Variants in PHACTR4 observed in about 807,000 individuals in gnomAD.
PHACTR4 encodes the protein protein phosphatase 1, regulatory subunit 124.
In PHACTR4, 51 loss-of-function variants were observed where a neutral mutation model predicts 72.7. That is an observed-to-expected ratio of 0.70 (90% CI 0.56 to 0.89). The LOEUF (loss-of-function observed/expected upper bound fraction) is 0.89. PHACTR4 is among the 40% of genes least tolerant of loss of function. The pLI, the probability that PHACTR4 is intolerant of heterozygous loss-of-function variation, is 0.00. For missense variants in PHACTR4, 731 were observed against 861.8 expected, an observed-to-expected ratio of 0.85 and a Z score of 1.90; for synonymous variants, 255 against 302.5, an observed-to-expected ratio of 0.84 and a Z score of 1.63.
At chr1:28,496,341 C>G (rs1661360605) in intron 13 of PHACTR4, among the ~76,000 whole-genome samples, 193 bp from the exon 14 acceptor site, 1 of 151,764 alleles carries the variant, frequency 6.6e-6, no homozygotes, top group African/African-American at 2.4e-5. Context: ...CAGGTGTGAA[C>G]CATTGCGCCC....
chr1:28,433,609 C>A (rs1000245357), intron 2 of PHACTR4, among the ~76,000 whole-genome samples: 62 of 151,176 alleles, frequency 4.1e-4, no homozygotes, highest in African/African-American at 1.4e-3. Context: ...AGGTGCCAGC[C>A]ACCACACCCG....
rs537657246 is a variant in PHACTR4 at position 28,475,075 on chromosome 1, G to A, written c.1421+924G>A. On this transcript the variant is annotated intron_variant, in intron 7 of 13. Transcript: ENST00000373839. ...AGCAATTCTCCCTCCTCAGCCTCCC[G>A]AGTAACTGTGACTACAGGCGCATGC... Among the ~76,000 whole-genome samples the A allele has an allele frequency of 2.0e-3, 310 of 151,572 alleles. 2 individuals are homozygous for A. The highest frequency in any genetic ancestry group is 9.4e-4 in the Non-Finnish European group (64 of 67,878).
intron 2 of PHACTR4, among the ~76,000 whole-genome samples, chr1:28,432,369 CTCT>C (rs1375337497): frequency 7.3e-4 from 96 of 132,304 alleles, no homozygotes; most frequent in Middle Eastern, 7.8e-3. Context: ...ATCTCTCTCT[CTCT>C]TTTTTTTTTT....
chr1:28,397,293 C>T (rs1447410973), intron 1 of PHACTR4, among the ~76,000 whole-genome samples: 1 of 152,070 alleles, frequency 6.6e-6, no homozygotes, highest in African/African-American at 2.4e-5. Flanking sequence ...TTATTAATCC[C>T]ACTTGAATCC....
At chr1:28,432,628 CTCTG>C (rs1219958385) in intron 2 of PHACTR4, among the ~76,000 whole-genome samples, 2 of 151,938 alleles carry the variant, frequency 1.3e-5, no homozygotes, top group East Asian at 1.9e-4. Context: ...CAGAGCAAGA[CTCTG>C]TCTGTAAAAA....
At chr1:28,404,632 A>G (rs1654194069) in intron 1 of PHACTR4, among the ~76,000 whole-genome samples, 1 of 152,140 alleles carries the variant, frequency 6.6e-6, no homozygotes, top group South Asian at 2.1e-4. Context: ...AGTGGGTCAT[A>G]TGGTAAACTC....
At chr1:28,379,691 G>A (rs945675351) in intron 1 of PHACTR4, among the ~76,000 whole-genome samples, 46 of 151,050 alleles carry the variant, frequency 3.0e-4, no homozygotes, top group African/African-American at 1.0e-3. Context: ...CCGGGTTCAC[G>A]CCATTCTCCT....
rs1178491026 is a variant in PHACTR4, at chr1:28,404,430, C to T, written c.-38-2980C>T. On this transcript the variant is annotated intron_variant, in intron 1 of 13. Transcript: ENST00000373839. ...CCTGAGTACCTGGGACTACAGGCAC[C>T]TGCCACCACGCCCAGCTAATTTTTG... Among the ~76,000 whole-genome samples the T allele has an allele frequency of 5.9e-5, 9 of 151,432 alleles. No homozygotes were observed. The East Asian group carries it at 1.7e-3, about 29-fold the overall frequency.
At chr1:28,457,321 G>C (rs1236888764) in intron 2 of PHACTR4, 2 of 449,880 alleles carry the variant, frequency 4.4e-6, no homozygotes, top group East Asian at 1.4e-4. Context: ...GAGGCCAGGT[G>C]TGGTGGTACA....
chr1:28,487,738 T>TC (rs1660785403), intron 9 of PHACTR4, among the ~76,000 whole-genome samples: 1 of 132,822 alleles, frequency 7.5e-6, no homozygotes, highest in South Asian at 2.5e-4. Flanking sequence ...TTTTTTTTTT[T>TC]TTTTTTTTTT....
intron 1 of PHACTR4, among the ~76,000 whole-genome samples, chr1:28,384,012 C>T (rs1652380683): frequency 6.6e-6 from 1 of 152,168 alleles, no homozygotes; most frequent in Admixed American, 6.5e-5. Context: ...GGGCTAAAGC[C>T]TACTTGATTG....
chr1:28,395,635 T>A (rs866416063), intron 1 of PHACTR4, among the ~76,000 whole-genome samples: 9 of 134,746 alleles, frequency 6.7e-5, no homozygotes, highest in Middle Eastern at 3.8e-3. Context: ...TTCTTAAGCA[T>A]AACTTTTTTT....
intron 1 of PHACTR4, among the ~76,000 whole-genome samples, chr1:28,376,932 C>T (rs548647008): frequency 1.7e-4 from 26 of 151,742 alleles, no homozygotes; most frequent in South Asian, 1.5e-3. Flanking sequence ...CCAGCGCGCC[C>T]GGCCTTAATT....
chr1:28,428,576 A>T (rs1410447860), intron 2 of PHACTR4, among the ~76,000 whole-genome samples: 1 of 152,234 alleles, frequency 6.6e-6, no homozygotes, highest in African/African-American at 2.4e-5. Flanking sequence ...CTCGCTAATA[A>T]AAGTCCAACA....
At chr1:28,483,798 CAA>C (rs991081654) in intron 9 of PHACTR4, among the ~76,000 whole-genome samples, 7,980 of 70,554 alleles carry the variant, frequency 0.11, 297 homozygotes, top group African/African-American at 0.27. Flanking sequence ...GACTCCGTCT[CAA>C]AAAAAAAAAA....
At position 28,369,826 on chromosome 1, in the gene PHACTR4, G is replaced by C. The variant is rs1651073074; in HGVS notation, c.-39+1G>C. 1 of 454,046 alleles carries C rather than the reference G, an allele frequency of 2.2e-6. No homozygotes were observed. Among genetic ancestry groups the C allele is most frequent in the Non-Finnish European group, 4.4e-6 (1 of 226,972 alleles). The allele number at this position is 454,046 out of a possible 1,614,324, so 28.1% of individuals were successfully genotyped here. A position where few individuals can be genotyped will look rare whatever the true frequency, so the allele number is the denominator to read the frequency against. On this transcript the variant is annotated splice_donor_variant, in intron 1 of 13. Transcript: ENST00000373839. LOFTEE classifies it low-confidence loss of function (5UTR_SPLICE). Reference sequence around the variant, plus strand: ...TGAGGAGGCGGCGGCGGAGATCTGGGTAAGTTCAGCGAGCAAGGGAAAGTG... The same window carrying C: ...TGAGGAGGCGGCGGCGGAGATCTGGCTAAGTTCAGCGAGCAAGGGAAAGTG...
rs1661514204 is a variant in PHACTR4 at position 28,498,992 on chromosome 1, C to G, written c.*2443C>G. The G allele has an allele frequency of 6.7e-6, 1 of 148,634 alleles. No individual in the cohort carries two copies. Among genetic ancestry groups the G allele is most frequent in the South Asian group, 2.1e-4 (1 of 4,660 alleles). 9.2% of individuals were successfully genotyped at this position (148,634 alleles called of 1,614,324 possible). On this transcript the variant is annotated 3_prime_UTR_variant, in exon 14 of 14. Transcript: ENST00000373839. ...CTGAGGCAGGAGAGTCGCTTGAACC[C>G]AGGAGGCGGAGATTGCAGTGAGCCA...
chr1:28,376,599 G>A (rs1569726807), intron 1 of PHACTR4, among the ~76,000 whole-genome samples: 1 of 151,838 alleles, frequency 6.6e-6, no homozygotes. Flanking sequence ...AAAGTGCTGG[G>A]ATTACAGGCG....
intron 2 of PHACTR4, among the ~76,000 whole-genome samples, chr1:28,455,172 A>ATTTTTC (rs533109904): frequency 0.016 from 1,766 of 110,146 alleles, 186 homozygotes; most frequent in Middle Eastern, 0.051. Flanking sequence ...ATCTGGCCTC[A>ATTTTTC]TTTTTCTTTT....
Sources: gnomAD v4.1 joint callset for allele counts (sites outside exome capture counted in the v4.1 genomes callset) on GRCh38, gnomAD v4.1.1 for gene constraint, MANE v1.5 for transcripts, NCBI Gene and HGNC (gene_info 2026-07-23, HGNC 2026-07-21) for gene names.